Variants in FYB2 observed in about 807,000 individuals in gnomAD.
FYB2 encodes FYN-binding protein 2.
A neutral mutation model predicts 94.1 loss-of-function variants in FYB2; 103 were observed. The ratio of observed to expected loss-of-function variants is 1.09; its 90% CI spans 0.93 to 1.29. FYB2 has a LOEUF of 1.29. Among genes scored for constraint, FYB2 ranks in the 50% most tolerant of loss-of-function variants. FYB2 has a pLI of 0.00. For synonymous variants in FYB2, 293 were observed against 287.9 expected, an observed-to-expected ratio of 1.02 and a Z score of -0.18; for missense variants, 896 against 841.5, an observed-to-expected ratio of 1.06 and a Z score of -0.80.
chr1:56,809,913 C>T (rs1467734518), intron 1 of FYB2, among the ~76,000 whole-genome samples: 3 of 152,090 alleles, frequency 2.0e-5, no homozygotes, highest in Non-Finnish European at 4.4e-5. Flanking sequence ...CTTTTCACAT[C>T]CTAGGAATGC....
intron 4 of FYB2, among the ~76,000 whole-genome samples, chr1:56,780,189 G>T (rs550388538): frequency 4.5e-4 from 69 of 152,246 alleles, no homozygotes; most frequent in African/African-American, 1.3e-3. Context: ...TCTGCAACTT[G>T]TGATTGTCTG....
At chr1:56,742,246 T>C (rs1316750927) in intron 11 of FYB2, 25 bp from the exon 12 acceptor site, 1 of 1,501,676 alleles carries the variant, frequency 6.7e-7, no homozygotes, top group African/African-American at 1.4e-5. Flanking sequence ...AAACCCTACT[T>C]ATATTCATTA....
chr1:56,777,663 T>C (rs1645913550), intron 4 of FYB2, among the ~76,000 whole-genome samples: 1 of 152,124 alleles, frequency 6.6e-6, no homozygotes, highest in African/African-American at 2.4e-5. Flanking sequence ...CCCTTCCCCA[T>C]ATACACCTTA....
intron 4 of FYB2, among the ~76,000 whole-genome samples, chr1:56,768,969 T>G (rs562336472): frequency 1.1e-4 from 17 of 152,136 alleles, no homozygotes; most frequent in African/African-American, 3.9e-4. Context: ...GATAAAAAAT[T>G]TAATGTAGAG....
rs144360697 is a variant in FYB2 at position 56,761,598 on chromosome 1, G to T, written c.1064-2848C>A. Among the ~76,000 whole-genome samples, 50 of 152,210 alleles carry T rather than the reference G, an allele frequency of 3.3e-4. 2 individuals are homozygous for T. The highest frequency in any genetic ancestry group is 1.2e-3 in the African/African-American group (48 of 41,536). On this transcript the variant is annotated intron_variant, in intron 5 of 19. Coordinates refer to ENST00000343433, the MANE Select transcript of FYB2 (RefSeq NM_001004303.5). ...TGAGGACAATTCTGCAGAGCTTTTAGAACAGCCTGAATCATGTATGCCCAA... is the reference window on the plus strand; with the variant it reads ...TGAGGACAATTCTGCAGAGCTTTTATAACAGCCTGAATCATGTATGCCCAA...
At chr1:56,777,337 C>T (rs1645904511) in intron 4 of FYB2, among the ~76,000 whole-genome samples, 1 of 150,362 alleles carries the variant, frequency 6.7e-6, no homozygotes, top group African/African-American at 2.4e-5. Context: ...GTGTGTGGAG[C>T]TCAAACTATG....
chr1:56,801,628 C>T (rs1240823697), intron 1 of FYB2, among the ~76,000 whole-genome samples: 1 of 152,156 alleles, frequency 6.6e-6, no homozygotes, highest in East Asian at 1.9e-4. Flanking sequence ...ATCTCAAGTA[C>T]CCTACTCCTG....
intron 5 of FYB2, among the ~76,000 whole-genome samples, chr1:56,763,270 T>C (rs909015969): frequency 1.3e-5 from 2 of 152,216 alleles, no homozygotes; most frequent in Non-Finnish European, 2.9e-5. Context: ...GTCATGGTAA[T>C]ACTAGCTTTA....
intron 8 of FYB2, among the ~76,000 whole-genome samples, chr1:56,751,993 G>A (rs1645210249): frequency 6.6e-6 from 1 of 151,904 alleles, no homozygotes; most frequent in African/African-American, 2.4e-5. Flanking sequence ...ATGTCAGTAG[G>A]AGATTGACAG....
chr1:56,724,288 G>C (rs1275254212), intron 16 of FYB2, among the ~76,000 whole-genome samples: 1 of 152,020 alleles, frequency 6.6e-6, no homozygotes, highest in Non-Finnish European at 1.5e-5. Context: ...GCCACAAAAC[G>C]TGTGAGAATT....
Position 56,738,617 on chromosome 1 carries a change from G to A in FYB2, c.1732+8C>T. The A allele has an allele frequency of 6.2e-7, 1 of 1,609,040 alleles. No individual in the cohort carries two copies. Among genetic ancestry groups the A allele is most frequent in the Non-Finnish European group, 8.5e-7 (1 of 1,177,152 alleles). ...ACTTTTGGTCTGCAATAAGCAAATG[G>A]CACTTACCTAAATCAGGCAGCAAAA... On this transcript the variant is annotated splice_region_variant and intron_variant, in intron 14 of 19. Coordinates refer to ENST00000343433, the MANE Select transcript of FYB2 (RefSeq NM_001004303.5).
chr1:56,752,890 T>A (rs1645233544), intron 8 of FYB2, among the ~76,000 whole-genome samples: 1 of 152,136 alleles, frequency 6.6e-6, no homozygotes. Flanking sequence ...ATGCTCCTAA[T>A]CAAACCATTC....
intron 17 of FYB2, 56 bp downstream of exon 17, chr1:56,723,532 A>T: frequency 9.5e-7 from 1 of 1,047,642 alleles, no homozygotes; most frequent in Non-Finnish European, 1.4e-6. Flanking sequence ...TTTTTTTTTA[A>T]ATGAAAGCTC....
At chr1:56,814,744 C>T (rs1646842363) in intron 1 of FYB2, among the ~76,000 whole-genome samples, 1 of 152,200 alleles carries the variant, frequency 6.6e-6, no homozygotes, top group African/African-American at 2.4e-5. Flanking sequence ...TAGTTAAGAG[C>T]AGACCATCCT....
At chr1:56,817,068 G>A (rs1646899732) in intron 1 of FYB2, among the ~76,000 whole-genome samples, 1 of 152,092 alleles carries the variant, frequency 6.6e-6, no homozygotes, top group African/African-American at 2.4e-5. Context: ...CAAAACAGTA[G>A]TCAGATGATC....
rs142512029 is a variant in FYB2 at position 56,813,904 on chromosome 1, A to G, written c.9+5378T>C. On this transcript the variant is annotated intron_variant, in intron 1 of 19. Coordinates refer to ENST00000343433, the MANE Select transcript of FYB2 (RefSeq NM_001004303.5). ...CAACTAGTAAACAGTGGAGCCAGAA[A>G]TGTAAACCAGTCATGCTGGCTCAGA... Among the ~76,000 whole-genome samples, 8 of 152,338 alleles carry G rather than the reference A, an allele frequency of 5.3e-5. No homozygotes were observed. In the East Asian group the frequency reaches 7.7e-4, roughly 15 times the overall value.
chr1:56,728,795 T>A (rs1475706528), intron 15 of FYB2, among the ~76,000 whole-genome samples: 2 of 152,136 alleles, frequency 1.3e-5, no homozygotes, highest in African/African-American at 4.8e-5. Context: ...AATTCCAATG[T>A]GTAATTATAG....
At chr1:56,767,712 G>T (rs1557628700) in intron 5 of FYB2, 117 bp downstream of exon 5, 18 of 739,628 alleles carry the variant, frequency 2.4e-5, no homozygotes, top group Non-Finnish European at 3.4e-5. Context: ...GAAATAAGAT[G>T]GTTGTGCAGG....
chr1:56,807,957 G>A (rs140207244), intron 1 of FYB2, among the ~76,000 whole-genome samples: 27 of 152,170 alleles, frequency 1.8e-4, no homozygotes, highest in African/African-American at 6.0e-4. Flanking sequence ...TTGGTAAATA[G>A]TATATTTTCT....
Sources: allele counts gnomAD v4.1 joint callset (sites outside exome capture counted in the v4.1 genomes callset), GRCh38; gene constraint gnomAD v4.1.1; transcripts MANE v1.5; gene names NCBI Gene and HGNC (gene_info 2026-07-23, HGNC 2026-07-21).